The following DISP3 variants were observed in gnomAD, a reference collection of about 807,000 sequenced individuals.
DISP3 encodes the protein protein dispatched homolog 3.
DISP3 carries 101 observed loss-of-function variants against 135.3 expected under a neutral mutation model. The ratio of observed to expected loss-of-function variants is 0.75; its 90% CI spans 0.64 to 0.88. The LOEUF is 0.88. DISP3 is among the 40% of genes least tolerant of loss of function. The pLI is 0.00. For missense variants in DISP3, 1,713 were observed against 1,878.6 expected, an observed-to-expected ratio of 0.91 and a Z score of 1.63; for synonymous variants, 856 against 817.0, an observed-to-expected ratio of 1.05 and a Z score of -0.81.
chr1:11,534,577 A>G (rs1642658594), intron 18 of DISP3, 37 bp downstream of exon 18: 1 of 1,571,378 alleles, frequency 6.4e-7, no homozygotes, highest in East Asian at 2.2e-5. Flanking sequence ...CTGGGTGGGC[A>G]GGAGGCAGAG....
At chr1:11,482,639 G>A (rs937403594) in intron 1 of DISP3, among the ~76,000 whole-genome samples, 1 of 152,122 alleles carries the variant, frequency 6.6e-6, no homozygotes, top group Non-Finnish European at 1.5e-5. Context: ...AAAATCGAGA[G>A]CTCAGTGATT....
rs150528109 is a variant in DISP3, at chr1:11,480,398, C to T, written c.-4+1026C>T. On this transcript the variant is annotated intron_variant, in intron 1 of 20. Transcript: ENST00000294484. Reference sequence around the variant, plus strand: ...GGAAAACAGTCCACACACATACACTCGCGCAAGTACACACCCACCCACAAT... The same window carrying T: ...GGAAAACAGTCCACACACATACACTTGCGCAAGTACACACCCACCCACAAT... 5.2e-4 allele frequency among the ~76,000 whole-genome samples: 79 copies of T among 152,222 alleles called. No individual in the cohort carries two copies. In the South Asian group the frequency reaches 5.4e-3, roughly 10 times the overall value.
At chr1:11,523,550 T>A (rs1360227183) in intron 10 of DISP3, among the ~76,000 whole-genome samples, 2 of 89,038 alleles carry the variant, frequency 2.2e-5, no homozygotes, top group Non-Finnish European at 4.2e-5. Context: ...GGGGGCAGAG[T>A]GGCACAGAGA....
intron 1 of DISP3, among the ~76,000 whole-genome samples, chr1:11,481,037 T>C (rs1339200166): frequency 8.2e-6 from 1 of 122,010 alleles, no homozygotes; most frequent in Non-Finnish European, 1.6e-5. Context: ...CTCCCCCAGG[T>C]TTCTCTCTCT....
rs766035627 is a variant in DISP3, at chr1:11,531,725, C to T, written c.3375+15C>T. 13 of 1,584,432 alleles carry T rather than the reference C, an allele frequency of 8.2e-6. No individual in the cohort carries two copies. In the South Asian group the frequency reaches 9.3e-5, roughly 11 times the overall value. On this transcript the variant is annotated intron_variant, in intron 17 of 20. Transcript: ENST00000294484. The surrounding 1 kb of genome is among the most constrained non-coding windows in gnomAD (Gnocchi z 5.2). ...CTTTCGAGTCGGTGAGCCCAGGCAG[C>T]CTCACTGGGTGCCATGCTGCGTACT...
chr1:11,535,736 T>A, intron 20 of DISP3, 92 bp downstream of exon 20: 1 of 1,465,508 alleles, frequency 6.8e-7, no homozygotes, highest in East Asian at 2.3e-5. Flanking sequence ...CAGCTGAACA[T>A]CCCAGCACCA....
chr1:11,531,107 A>G lies in DISP3; in HGVS notation c.3229+74A>G. ...TGGGGAGGCACAGAGGCCGTGGTCC[A>G]AGGTAGACAGCCCGAAGGACAGTGT... On this transcript the variant is annotated intron_variant, in intron 16 of 20. Coordinates refer to ENST00000294484, the MANE Select transcript of DISP3 (RefSeq NM_020780.2). The surrounding 1 kb of genome is among the most constrained non-coding windows in gnomAD (Gnocchi z 5.2). 6.3e-7 allele frequency: 1 copy of G among 1,591,030 alleles called. No individual in the cohort carries two copies. Among genetic ancestry groups the G allele is most frequent in the Non-Finnish European group, 8.5e-7 (1 of 1,171,818 alleles).
In DISP3 at chr1:11,531,611, G is replaced by A; in HGVS notation, c.3276G>A (p.Lys1092=). 1 of 1,613,544 alleles carries A rather than the reference G, an allele frequency of 6.2e-7. No individual in the cohort carries two copies. The highest frequency in any genetic ancestry group is 1.3e-5 in the African/African-American group (1 of 75,050). ...TGCAGATGTTGCACCCTGAGTGCAA[G>A]GAGCTGCCCGAGCCCAACCTGCTCC... is the stretch of plus-strand genomic sequence containing the variant. The part of the protein sequence containing the change: ...SFLQMLHPEC[K]ELPEPNLLPG... Residue 1092 remains lysine, a synonymous_variant, in exon 17 of 21, where the codon AAG becomes AAA. Transcript: ENST00000294484. The surrounding 1 kb of genome is among the most constrained non-coding windows in gnomAD (Gnocchi z 5.2).
At chr1:11,481,095 AC>A (rs1640893778) in intron 1 of DISP3, among the ~76,000 whole-genome samples, 1 of 147,518 alleles carries the variant, frequency 6.8e-6, no homozygotes, top group African/African-American at 2.5e-5. Context: ...ACGCACATGC[AC>A]CCTCTTTTTT....
At position 11,501,971 on chromosome 1, in the gene DISP3, CT is replaced by C; in HGVS notation, c.980del (p.Leu327ArgfsTer14). The part of the protein sequence containing the change: ...KPHEVLKDLP[L>X]GSYSYCSPPS... The stretch of plus-strand genomic sequence containing the variant: ...CCACGAGGTGCTCAAGGATCTGCCG[CT>C]GGGCTCCTACTCCTACTGCTCGCCC... On this transcript the variant is annotated frameshift_variant, in exon 2 of 21. Transcript: ENST00000294484. LOFTEE classifies it high-confidence loss of function. The surrounding 1 kb of genome is among the most constrained non-coding windows in gnomAD (Gnocchi z 4.9). 3 of 1,613,928 alleles carry C rather than the reference CT, an allele frequency of 1.9e-6. No individual in the cohort carries two copies. The highest frequency in any genetic ancestry group is 2.5e-6 in the Non-Finnish European group (3 of 1,179,986).
rs1642428880 is a variant in DISP3 at position 11,526,688 on chromosome 1, T to C, written c.2651T>C (p.Leu884Pro). Residue 884 changes from leucine to proline, a missense_variant, in exon 13 of 21, where the codon CTG becomes CCG. By Grantham distance (98) the Leu-to-Pro change is moderately conservative (BLOSUM62 -3). Around this residue, in one of 2 missense-constraint regions of DISP3, gnomAD observed 1,142 missense variants for 1,384.6 expected, o/e 0.82. Transcript: ENST00000294484. The part of the protein sequence containing the change: ...RAPFGNFTKK[L>P]TACMSTVGLL... ...CCTTTTGGTAACTTCACCAAGAAGCTGACCGCTTGTATGTCTACAGTAGGG... is the reference window on the plus strand; with the variant it reads ...CCTTTTGGTAACTTCACCAAGAAGCCGACCGCTTGTATGTCTACAGTAGGG... 1.2e-6 allele frequency: 2 copies of C among 1,614,164 alleles called. No homozygotes were observed. Among genetic ancestry groups the C allele is most frequent in the Non-Finnish European group, 1.7e-6 (2 of 1,180,006 alleles).
intron 1 of DISP3, among the ~76,000 whole-genome samples, chr1:11,490,515 C>T (rs546916181): frequency 2.0e-5 from 3 of 152,128 alleles, no homozygotes; most frequent in Non-Finnish European, 2.9e-5. Context: ...GTGATCTGCC[C>T]GCGTTGGCCT....
Position 11,517,387 on chromosome 1 carries a change from G to A in DISP3, c.1750-76G>A, listed in dbSNP as rs1240690926. ...CAGATCTGGGGTCCTGAGTGTCTCT[G>A]GCTGCAGGGGGCACCCAGGCCCCCT... On this transcript the variant is annotated intron_variant, in intron 6 of 20. Transcript: ENST00000294484. The A allele has an allele frequency of 3.2e-6, 5 of 1,577,436 alleles. No individual in the cohort carries two copies. In the East Asian group the frequency reaches 6.8e-5, roughly 21 times the overall value.
chr1:11,535,693 C>G, intron 20 of DISP3, 49 bp downstream of exon 20: 1 of 1,573,774 alleles, frequency 6.4e-7, no homozygotes, highest in Non-Finnish European at 8.6e-7. Flanking sequence ...TGGGTCTTCT[C>G]CCACCTGGGT....
chr1:11,508,111 C>A (rs1240766414), intron 3 of DISP3, among the ~76,000 whole-genome samples: 1 of 152,168 alleles, frequency 6.6e-6, no homozygotes, highest in Non-Finnish European at 1.5e-5. Flanking sequence ...CACTGGGAAA[C>A]CCTCACCACC....
intron 1 of DISP3, among the ~76,000 whole-genome samples, chr1:11,496,976 G>T (rs112204212): frequency 2.6e-4 from 39 of 152,350 alleles, no homozygotes; most frequent in African/African-American, 8.9e-4. Flanking sequence ...CTGGTGTGAT[G>T]CCCTTGTGGC....
intron 12 of DISP3, among the ~76,000 whole-genome samples, chr1:11,525,779 C>T (rs1642398313): frequency 6.6e-6 from 1 of 152,086 alleles, no homozygotes; most frequent in South Asian, 2.1e-4. Context: ...GAGTTTTCCC[C>T]TTCATGGGAG....
Position 11,519,333 on chromosome 1 carries a change from CT to C in DISP3, c.1890-21del, listed in dbSNP as rs745792151. The C allele has an allele frequency of 2.6e-5, 42 of 1,611,790 alleles. No individual in the cohort carries two copies. Among genetic ancestry groups the C allele is most frequent in the Admixed American group, 3.3e-5 (2 of 59,916 alleles). On this transcript the variant is annotated intron_variant, in intron 7 of 20. Transcript: ENST00000294484. The surrounding 1 kb of genome is among the most constrained non-coding windows in gnomAD (Gnocchi z 4.3). ...GTACCCAGGACCCTCTGGTTCACCC[CT>C]GTCCCCTACTCTCTCCACAGCTGCC...
At chr1:11,497,340 T>C (rs1485046017) in intron 1 of DISP3, among the ~76,000 whole-genome samples, 1 of 152,082 alleles carries the variant, frequency 6.6e-6, no homozygotes, top group Non-Finnish European at 1.5e-5. Flanking sequence ...TTTGTAGTCT[T>C]TTATCCCTTG....
Sources: allele counts gnomAD v4.1 joint callset (sites outside exome capture counted in the v4.1 genomes callset), GRCh38; gene constraint gnomAD v4.1.1; regional missense constraint gnomAD v4.1.1; non-coding constraint Gnocchi (gnomAD v3.1); transcripts MANE v1.5; gene names NCBI Gene and HGNC (gene_info 2026-07-23, HGNC 2026-07-21).